The following KDM5A variants were observed in gnomAD, a reference collection of about 807,000 sequenced individuals.
KDM5A encodes lysine demethylase 5A.
Under a neutral mutation model 193.5 loss-of-function variants are expected in KDM5A, and 42 were observed. The observed-to-expected ratio is 0.22, with a 90% CI of 0.17 to 0.28. KDM5A has a LOEUF of 0.28. Ranked by LOEUF, KDM5A falls within the 10% of genes least tolerant of loss-of-function variation. The pLI is 1.00. For missense variants in KDM5A, 1,692 were observed against 2,055.1 expected, an observed-to-expected ratio of 0.82 and a Z score of 3.42; for synonymous variants, 796 against 718.1, an observed-to-expected ratio of 1.11 and a Z score of -1.73.
intron 14 of KDM5A, 80 bp downstream of exon 14, chr12:328,755 G>C (rs142591845): frequency 1.4e-5 from 17 of 1,255,130 alleles, no homozygotes; most frequent in Non-Finnish European, 1.7e-5. Flanking sequence ...GGGGATAAGG[G>C]ATGAAAATTC....
intron 10 of KDM5A, among the ~76,000 whole-genome samples, chr12:343,344 G>T (rs763660644): frequency 6.6e-6 from 1 of 152,186 alleles, no homozygotes; most frequent in Non-Finnish European, 1.5e-5. Context: ...CTCTGGGCAG[G>T]GCATGGCTGA....
chr12:372,391 C>A (rs1339949584), intron 3 of KDM5A, among the ~76,000 whole-genome samples: 3 of 151,502 alleles, frequency 2.0e-5, no homozygotes, highest in Non-Finnish European at 4.4e-5. Flanking sequence ...CATGATTTGG[C>A]TCTCTGTTAT....
At chr12:377,022 T>C (rs1208652935) in intron 3 of KDM5A, among the ~76,000 whole-genome samples, 1 of 125,054 alleles carries the variant, frequency 8.0e-6, no homozygotes, top group Non-Finnish European at 1.9e-5. Context: ...TTCCTCCCTT[T>C]TCTAAAACAA....
chr12:320,991 C>CCA lies in KDM5A; in HGVS notation c.2541+2_2541+3dup. ...TTACCCAAAAAAAGGATGTAATACT[C>CCA]CACCTTTACTTGCCGAGCTTGGCTG... On this transcript the variant is annotated splice_donor_region_variant and intron_variant, in intron 18 of 27. Coordinates refer to ENST00000399788, the MANE Select transcript of KDM5A (RefSeq NM_001042603.3). The CCA allele has an allele frequency of 6.2e-7, 1 of 1,600,024 alleles. No homozygotes were observed. The highest frequency in any genetic ancestry group is 8.6e-7 in the Non-Finnish European group (1 of 1,167,206).
rs2137386665 is a variant in KDM5A, at chr12:306,979, T to A, written c.4041A>T (p.Glu1347Asp). 1 of 1,614,014 alleles carries A rather than the reference T, an allele frequency of 6.2e-7. No homozygotes were observed. The highest frequency in any genetic ancestry group is 8.5e-7 in the Non-Finnish European group (1 of 1,179,978). The change falls in exon 24 of 28, where the codon GAA (glutamate) becomes GAT (aspartate). Residue 1347 changes from glutamate (E) to aspartate (D), a missense_variant. Around this residue, in one of 11 missense-constraint regions of KDM5A, gnomAD observed 965 missense variants for 1,061.0 expected, o/e 0.91. Coordinates refer to ENST00000399788, the MANE Select transcript of KDM5A (RefSeq NM_001042603.3). ...DYDDEETDSD[E>D]DIRETYGYDM... ...CGTAGCCATATGTCTCTCGAATGTC[T>A]TCATCAGAGTCTGTTTCTTCATCAT...
At chr12:364,684 C>G (rs1247718731) in intron 4 of KDM5A, among the ~76,000 whole-genome samples, 3 of 148,808 alleles carry the variant, frequency 2.0e-5, no homozygotes, top group African/African-American at 7.5e-5. Context: ...ACTCGGGAGG[C>G]TGAGGCAGGA....
chr12:375,540 G>A (rs1944491554), intron 3 of KDM5A, among the ~76,000 whole-genome samples: 1 of 152,206 alleles, frequency 6.6e-6, no homozygotes, highest in South Asian at 2.1e-4. Context: ...TTAGCTCGGA[G>A]AAGTCTGATC....
At chr12:288,927 G>A (rs567635301) in intron 27 of KDM5A, among the ~76,000 whole-genome samples, 38 of 152,248 alleles carry the variant, frequency 2.5e-4, no homozygotes, top group African/African-American at 8.7e-4. Context: ...GTGCACGCGT[G>A]TGTGTGTGTA....
chr12:334,096 T>C (rs1943895903), intron 11 of KDM5A, 145 bp downstream of exon 11: 1 of 722,170 alleles, frequency 1.4e-6, no homozygotes, highest in Non-Finnish European at 2.3e-6. Context: ...TCAATTTTAC[T>C]ACCCAAAGAA....
rs768551776 is a variant in KDM5A at position 354,166 on chromosome 12, T to C, written c.939A>G (p.Gly313=). 6.2e-7 allele frequency: 1 copy of C among 1,609,758 alleles called. No individual in the cohort carries two copies. The highest frequency in any genetic ancestry group is 2.2e-5 in the East Asian group (1 of 44,832). ...NNEDKLLLCD[G]CDDSYHTFCL... ...AAAATGTATGATAGCTGTCATCACA[T>C]CCATCACACAAAAGCAATTTATCTT... The change falls in exon 8 of 28, where the codon GGA becomes GGG. Residue 313 remains glycine, a synonymous_variant. Transcript: ENST00000399788.
chr12:329,064 T>A (rs1192162322), intron 13 of KDM5A, 35 bp from the exon 14 acceptor site: 1 of 1,578,464 alleles, frequency 6.3e-7, no homozygotes, highest in Admixed American at 1.7e-5. Context: ...ATAACTCGCT[T>A]ATAACATATC....
chr12:361,834 C>A (rs1306189892), intron 5 of KDM5A, among the ~76,000 whole-genome samples: 1 of 152,130 alleles, frequency 6.6e-6, no homozygotes, highest in Non-Finnish European at 1.5e-5. Context: ...GGATACCTAC[C>A]TTTCTACTTT....
At position 285,360 on chromosome 12, in the gene KDM5A, A is replaced by T; in HGVS notation, c.*96T>A. 1 of 1,088,258 alleles carries T rather than the reference A, an allele frequency of 9.2e-7. No individual in the cohort carries two copies. The highest frequency in any genetic ancestry group is 1.4e-6 in the Non-Finnish European group (1 of 716,150). The allele number at this position is 1,088,258 out of a possible 1,614,324, so 67.4% of individuals were successfully genotyped here. ...TTCTCTGAAGGCCATTCATCTTTGG[A>T]AGCAACATTCCAAGTGGATATAAAC... On this transcript the variant is annotated 3_prime_UTR_variant, in exon 28 of 28. Coordinates refer to ENST00000399788, the MANE Select transcript of KDM5A (RefSeq NM_001042603.3).
At chr12:302,003 C>T (rs1468448999) in intron 24 of KDM5A, among the ~76,000 whole-genome samples, 2 of 152,200 alleles carry the variant, frequency 1.3e-5, no homozygotes, top group Admixed American at 6.5e-5. Flanking sequence ...CTACAAACCA[C>T]TGCTCAACGA....
At chr12:324,516 A>C (rs147224191) in intron 14 of KDM5A, among the ~76,000 whole-genome samples, 2 of 152,240 alleles carry the variant, frequency 1.3e-5, no homozygotes, top group African/African-American at 4.8e-5. Context: ...TAAATTGTGC[A>C]AATTAAAATA....
rs778276982 is a variant in KDM5A, at chr12:283,790, A to C, written c.*1666T>G. 3.0e-5 allele frequency: 7 copies of C among 231,166 alleles called. No individual in the cohort carries two copies. The highest frequency in any genetic ancestry group is 5.9e-5 in the Non-Finnish European group (7 of 117,714). 14.3% of individuals were successfully genotyped at this position (231,166 alleles called of 1,614,324 possible). ...AAAATAAAGACACCAGACAGTGATG[A>C]CAAAACACTATTTTTAGTCATTTTT... On this transcript the variant is annotated 3_prime_UTR_variant, in exon 28 of 28. Coordinates refer to ENST00000399788, the MANE Select transcript of KDM5A (RefSeq NM_001042603.3).
At chr12:380,659 G>A (rs1944562126) in intron 3 of KDM5A, among the ~76,000 whole-genome samples, 1 of 152,044 alleles carries the variant, frequency 6.6e-6, no homozygotes, top group South Asian at 2.1e-4. Context: ...GGAGATGGAG[G>A]TAGCAGTGAG....
chr12:333,227 TG>T lies in KDM5A; in HGVS notation c.1653+259del, dbSNP rs1321532231. The T allele has an allele frequency of 1.5e-5, 7 of 477,972 alleles. 1 individual carries two copies. Among genetic ancestry groups the T allele is most frequent in the Non-Finnish European group, 2.3e-5 (6 of 261,000 alleles). 29.6% of individuals were successfully genotyped at this position (477,972 alleles called of 1,614,324 possible). A position where few individuals can be genotyped will look rare whatever the true frequency, so the allele number is the denominator to read the frequency against. On this transcript the variant is annotated intron_variant, in intron 12 of 27. Coordinates refer to ENST00000399788, the MANE Select transcript of KDM5A (RefSeq NM_001042603.3). ...TGAGCTCAGGAGTTCGAGACCAACC[TG>T]GGCAACACAATAAGGCTTCGTCTCT...
At chr12:379,185 C>A (rs1565552989) in intron 3 of KDM5A, among the ~76,000 whole-genome samples, 1 of 151,476 alleles carries the variant, frequency 6.6e-6, no homozygotes, top group Non-Finnish European at 1.5e-5. Context: ...AAAAAAAAAA[C>A]TTAATAGATG....
Sources: gnomAD v4.1 joint callset for allele counts (sites outside exome capture counted in the v4.1 genomes callset) on GRCh38, gnomAD v4.1.1 for gene constraint, gnomAD v4.1.1 regional missense constraint, MANE v1.5 for transcripts, NCBI Gene and HGNC (gene_info 2026-07-23, HGNC 2026-07-21) for gene names.